CCDC93: variants seen among roughly 807,000 people sequenced by gnomAD.
CCDC93 encodes the protein coiled-coil domain-containing protein 93.
Under a neutral mutation model 108.2 loss-of-function variants are expected in CCDC93, and 61 were observed. That is an observed-to-expected ratio of 0.56 (90% CI 0.46 to 0.70). The LOEUF (loss-of-function observed/expected upper bound fraction) is 0.70, where lower values mean the gene tolerates loss of function less well. Ranked by LOEUF, CCDC93 falls within the 30% of genes least tolerant of loss-of-function variation. The pLI is 0.00. For synonymous variants in CCDC93, 276 were observed against 260.4 expected (o/e 1.06, Z -0.58); for missense variants, 685 against 764.2 (o/e 0.90, Z 1.22).
intron 23 of CCDC93, among the ~76,000 whole-genome samples, chr2:117,924,065 G>C (rs1677986802): frequency 6.6e-6 from 1 of 152,286 alleles, no homozygotes; most frequent in South Asian, 2.1e-4. Flanking sequence ...TGCAGCTGAG[G>C]GTCCTGTCTG....
At chr2:118,000,675 G>A (rs932959093) in intron 4 of CCDC93, 146 bp downstream of exon 4, 14 of 586,626 alleles carry the variant, frequency 2.4e-5, no homozygotes, top group African/African-American at 1.1e-4. Context: ...TGACGACAAC[G>A]AACACCACCA....
At chr2:117,932,152 T>C (rs1038505130) in intron 22 of CCDC93, among the ~76,000 whole-genome samples, 3 of 152,026 alleles carry the variant, frequency 2.0e-5, no homozygotes, top group South Asian at 4.2e-4. Flanking sequence ...GTGCTGTATG[T>C]CTGGAAGGTA....
chr2:117,941,911 C>A (rs950466875), intron 18 of CCDC93, among the ~76,000 whole-genome samples: 1 of 152,194 alleles, frequency 6.6e-6, no homozygotes, highest in Non-Finnish European at 1.5e-5. Context: ...TCCCACTGAA[C>A]ACGTGTAGAC....
intron 18 of CCDC93, among the ~76,000 whole-genome samples, chr2:117,943,219 A>C (rs1466421599): frequency 6.6e-6 from 1 of 152,228 alleles, no homozygotes; most frequent in East Asian, 1.9e-4. Context: ...ATATATAGAC[A>C]TGTCTTGGTT....
chr2:118,009,496 C>T lies in CCDC93; in HGVS notation c.43-838G>A, dbSNP rs1481205006. ...GACCAGCCTGGCCAACATGGCAAAA[C>T]CCCACCTCTACTAAAAATACAAAAA... On this transcript the variant is annotated intron_variant, in intron 1 of 23. Coordinates refer to ENST00000376300, the MANE Select transcript of CCDC93 (RefSeq NM_019044.5). Among the ~76,000 whole-genome samples the T allele has an allele frequency of 2.0e-5, 3 of 152,090 alleles. No homozygotes were observed. In the East Asian group the frequency reaches 5.8e-4, roughly 29 times the overall value.
intron 23 of CCDC93, among the ~76,000 whole-genome samples, chr2:117,926,437 A>G (rs1486981346): frequency 6.6e-6 from 1 of 152,250 alleles, no homozygotes; most frequent in Non-Finnish European, 1.5e-5. Context: ...TAAAGGGGAT[A>G]TCACCACCAA....
chr2:118,011,383 G>A (rs1406820716), intron 1 of CCDC93, among the ~76,000 whole-genome samples: 1 of 152,150 alleles, frequency 6.6e-6, no homozygotes, highest in East Asian at 1.9e-4. Flanking sequence ...AGTCCATTAA[G>A]GATCCTGAAG....
chr2:117,945,167 C>G (rs530667200), intron 17 of CCDC93, among the ~76,000 whole-genome samples: 6 of 152,304 alleles, frequency 3.9e-5, no homozygotes, highest in African/African-American at 1.2e-4. Context: ...TATAGTACAA[C>G]AGAGAGAGAA....
chr2:117,962,186 C>T (rs1370406613), intron 11 of CCDC93, among the ~76,000 whole-genome samples: 2 of 152,188 alleles, frequency 1.3e-5, no homozygotes, highest in Admixed American at 6.5e-5. Context: ...AGGTTATTTA[C>T]ACATCAACCT....
intron 11 of CCDC93, among the ~76,000 whole-genome samples, chr2:117,960,887 T>C (rs183714118): frequency 3.1e-4 from 47 of 152,322 alleles, no homozygotes; most frequent in Non-Finnish European, 4.7e-4. Flanking sequence ...TCATTATAAT[T>C]TGTAAGTAAA....
intron 11 of CCDC93, 112 bp downstream of exon 11, chr2:117,973,796 G>C (rs1013529111): frequency 1.4e-4 from 108 of 770,694 alleles, no homozygotes; most frequent in Non-Finnish European, 7.2e-5. Flanking sequence ...TAACGTGGCT[G>C]GTGAGTTACA....
At chr2:117,955,592 C>T (rs886607731) in intron 12 of CCDC93, among the ~76,000 whole-genome samples, 1 of 152,200 alleles carries the variant, frequency 6.6e-6, no homozygotes, top group Admixed American at 6.5e-5. Flanking sequence ...CAACCACTAA[C>T]AAGCTATGTG....
intron 12 of CCDC93, among the ~76,000 whole-genome samples, chr2:117,952,688 C>T (rs1286511788): frequency 6.6e-6 from 1 of 152,142 alleles, no homozygotes; most frequent in Admixed American, 6.5e-5. Context: ...AAAAAAGACA[C>T]TTTTCTTATT....
Position 117,916,321 on chromosome 2 carries a change from T to C in CCDC93, c.*4022A>G, listed in dbSNP as rs1237926396. 1 of 127,660 alleles carries C rather than the reference T, an allele frequency of 7.8e-6. No homozygotes were observed. The highest frequency in any genetic ancestry group is 1.7e-5 in the Non-Finnish European group (1 of 58,750). The allele number at this position is 127,660 out of a possible 1,614,324, so 7.9% of individuals were successfully genotyped here. A position where few individuals can be genotyped will look rare whatever the true frequency, so the allele number is the denominator to read the frequency against. On this transcript the variant is annotated 3_prime_UTR_variant, in exon 24 of 24. Transcript: ENST00000376300. ...TTAGTGTAGTTCTTCCCTCTCTTTT[T>C]CCCTTCTTAGGGAATAAAAAAAAAA...
intron 11 of CCDC93, among the ~76,000 whole-genome samples, chr2:117,967,203 G>A (rs1679613866): frequency 6.6e-6 from 1 of 152,160 alleles, no homozygotes; most frequent in East Asian, 1.9e-4. Flanking sequence ...ATGTTGGCCA[G>A]GCTGGTCTCA....
intron 6 of CCDC93, among the ~76,000 whole-genome samples, chr2:117,988,487 C>T (rs990784686): frequency 6.6e-6 from 1 of 152,330 alleles, no homozygotes; most frequent in South Asian, 2.1e-4. Flanking sequence ...CTCCTGTGGG[C>T]CAGCCCATGC....
At chr2:118,006,688 T>C (rs369478602) in intron 3 of CCDC93, 34 bp downstream of exon 3, 13 of 1,291,814 alleles carry the variant, frequency 1.0e-5, no homozygotes, top group Non-Finnish European at 1.5e-5. Flanking sequence ...AGTTCCCTTC[T>C]CCCCACCTTT....
chr2:117,943,621 T>C (rs1678775241), intron 18 of CCDC93, among the ~76,000 whole-genome samples: 2 of 152,242 alleles, frequency 1.3e-5, no homozygotes, highest in South Asian at 2.1e-4. Flanking sequence ...CCCAGCAATG[T>C]AGGGGATTTT....
At position 117,934,355 on chromosome 2, in the gene CCDC93, G is replaced by T. The variant is rs1678452364; in HGVS notation, c.1728+1140C>A. Among the ~76,000 whole-genome samples, 5 of 152,212 alleles carry T rather than the reference G, an allele frequency of 3.3e-5. No homozygotes were observed. In the South Asian group the frequency reaches 1.0e-3, roughly 32 times the overall value. On this transcript the variant is annotated intron_variant, in intron 22 of 23. Coordinates refer to ENST00000376300, the MANE Select transcript of CCDC93 (RefSeq NM_019044.5). ...CTGCCCTCCACCTACTCATACCCCA[G>T]GTCACTGAGAGGGGACTGCATTCTC...
Sources: allele counts gnomAD v4.1 joint callset (sites outside exome capture counted in the v4.1 genomes callset), GRCh38; gene constraint gnomAD v4.1.1; transcripts MANE v1.5; gene names NCBI Gene and HGNC (gene_info 2026-07-23, HGNC 2026-07-21).